MOB3B: variants seen among roughly 807,000 people sequenced by gnomAD.
MOB3B encodes the protein MOB kinase activator-like 2B.
A neutral mutation model predicts 18.7 loss-of-function variants in MOB3B; 7 were observed. The ratio of observed to expected loss-of-function variants is 0.37; its 90% CI spans 0.21 to 0.70. MOB3B has a LOEUF of 0.70. Ranked by LOEUF, MOB3B falls within the 30% of genes least tolerant of loss-of-function variation. The pLI, the probability that MOB3B is intolerant of heterozygous loss-of-function variation, is 0.52. For synonymous variants in MOB3B, 111 were observed against 99.9 expected, an observed-to-expected ratio of 1.11 and a Z score of -0.66; for missense variants, 253 against 281.3, an observed-to-expected ratio of 0.90 and a Z score of 0.72.
chr9:27,407,766 G>A (rs533857005), intron 2 of MOB3B, among the ~76,000 whole-genome samples: 1 of 152,142 alleles, frequency 6.6e-6, no homozygotes, highest in Non-Finnish European at 1.5e-5. Flanking sequence ...TGGGAAGGTG[G>A]AGAGAGGCTT....
At chr9:27,459,031 A>G (rs759282316) in intron 1 of MOB3B, among the ~76,000 whole-genome samples, 2 of 148,870 alleles carry the variant, frequency 1.3e-5, no homozygotes, top group Non-Finnish European at 3.0e-5. Context: ...ATGTTTAAAG[A>G]CAATGGCAAT....
At chr9:27,481,999 G>C (rs1819667297) in intron 1 of MOB3B, among the ~76,000 whole-genome samples, 1 of 152,040 alleles carries the variant, frequency 6.6e-6, no homozygotes, top group South Asian at 2.1e-4. Flanking sequence ...AAATGCTATT[G>C]ATCCAGTGGA....
chr9:27,529,773 C>G lies in MOB3B; in HGVS notation c.-417G>C. On this transcript the variant is annotated 5_prime_UTR_variant, in exon 1 of 4. Transcript: ENST00000262244. ...GCCGCCGTCGCTCCGGAGCAGCCCC[C>G]TCATGCACCCAGCGCGCCGCGCAGC... 1.0e-6 allele frequency: 1 copy of G among 985,454 alleles called. No homozygotes were observed. Among genetic ancestry groups the G allele is most frequent in the Non-Finnish European group, 1.2e-6 (1 of 829,958 alleles). 61.0% of individuals were successfully genotyped at this position (985,454 alleles called of 1,614,324 possible).
intron 2 of MOB3B, among the ~76,000 whole-genome samples, chr9:27,417,208 C>CA (rs1407841969): frequency 1.3e-5 from 2 of 151,942 alleles, no homozygotes; most frequent in Admixed American, 6.6e-5. Context: ...CTAAAAAATA[C>CA]AAAAAATTAG....
chr9:27,422,601 A>T (rs1432889987), intron 2 of MOB3B, among the ~76,000 whole-genome samples: 3 of 152,236 alleles, frequency 2.0e-5, no homozygotes, highest in African/African-American at 7.2e-5. Flanking sequence ...GTTGCCAACA[A>T]TTTGAGGGGA....
At chr9:27,412,841 C>A (rs1005548433) in intron 2 of MOB3B, among the ~76,000 whole-genome samples, 1 of 152,192 alleles carries the variant, frequency 6.6e-6, no homozygotes, top group South Asian at 2.1e-4. Context: ...GAGTTACACT[C>A]TGATGGTTTA....
At position 27,422,264 on chromosome 9, in the gene MOB3B, A is replaced by G. The variant is rs547424543; in HGVS notation, c.418+32869T>C. On this transcript the variant is annotated intron_variant, in intron 2 of 3. Transcript: ENST00000262244. ...ATTTACATTTCAGCTTTCATTTCCC[A>G]CTATTTCCTCAGTTCATTCATTTAA... is the stretch of plus-strand genomic sequence containing the variant. Among the ~76,000 whole-genome samples, 284 of 152,334 alleles carry G rather than the reference A, an allele frequency of 1.9e-3. 1 individual carries two copies. Among genetic ancestry groups the G allele is most frequent in the African/African-American group, 6.5e-3 (272 of 41,570 alleles).
intron 2 of MOB3B, among the ~76,000 whole-genome samples, chr9:27,371,420 C>T (rs1315179889): frequency 6.6e-6 from 1 of 152,124 alleles, no homozygotes; most frequent in Non-Finnish European, 1.5e-5. Flanking sequence ...CTTTTTCCAC[C>T]TGACATAGAG....
intron 1 of MOB3B, among the ~76,000 whole-genome samples, chr9:27,502,996 T>C (rs1820010922): frequency 6.6e-6 from 1 of 152,220 alleles, no homozygotes; most frequent in African/African-American, 2.4e-5. Context: ...ACCCTTTTTC[T>C]TGGGGGAAAG....
chr9:27,459,907 G>C (rs1178956479), intron 1 of MOB3B, among the ~76,000 whole-genome samples: 1 of 139,716 alleles, frequency 7.2e-6, no homozygotes, highest in East Asian at 2.2e-4. Context: ...AAGTCATAAA[G>C]TTTTCCTTCT....
intron 2 of MOB3B, among the ~76,000 whole-genome samples, chr9:27,453,827 T>C (rs1344413978): frequency 6.6e-6 from 1 of 152,180 alleles, no homozygotes; most frequent in Admixed American, 6.5e-5. Flanking sequence ...GCTCCAAAAG[T>C]AGCCTATGAC....
Position 27,455,431 on chromosome 9 carries a change from C to G in MOB3B, c.120G>C (p.Ser40=), listed in dbSNP as rs751511404. The G allele has an allele frequency of 1.2e-6, 2 of 1,614,200 alleles. No individual in the cohort carries two copies. The highest frequency in any genetic ancestry group is 1.1e-5 in the South Asian group (1 of 91,086). ...LHKRAQASLN[S]GVDLKAAVQL... is the part of the protein sequence containing the mutation. ...GCACAGCCGCCTTCAGGTCCACACC[C>G]GAGTTGAGGGATGCCTGAGCCCGTT... is the stretch of plus-strand genomic sequence containing the variant. The change falls in exon 2 of 4, where the codon TCG becomes TCC. Residue 40 remains serine, a synonymous_variant. Coordinates refer to ENST00000262244, the MANE Select transcript of MOB3B (RefSeq NM_024761.5).
intron 1 of MOB3B, among the ~76,000 whole-genome samples, chr9:27,490,082 C>T (rs370616289): frequency 1.3e-5 from 2 of 152,124 alleles, no homozygotes; most frequent in East Asian, 3.9e-4. Context: ...CTGCATTGCA[C>T]ACACAAAGCA....
intron 1 of MOB3B, among the ~76,000 whole-genome samples, chr9:27,481,307 C>T (rs919465285): frequency 6.6e-6 from 1 of 152,088 alleles, no homozygotes; most frequent in Non-Finnish European, 1.5e-5. Context: ...CTAAATGCTC[C>T]AGCTAAAAGA....
intron 1 of MOB3B, among the ~76,000 whole-genome samples, chr9:27,516,711 C>T (rs1041793733): frequency 5.9e-5 from 9 of 152,218 alleles, no homozygotes; most frequent in Admixed American, 3.9e-4. Flanking sequence ...ATAGCATATT[C>T]TTAGGGTTCT....
chr9:27,521,563 G>C (rs1820331885), intron 1 of MOB3B, among the ~76,000 whole-genome samples: 1 of 152,172 alleles, frequency 6.6e-6, no homozygotes, highest in South Asian at 2.1e-4. Context: ...GGAGGCCAAG[G>C]CATCGTAAAA....
At chr9:27,529,134 C>G (rs554967647) in intron 1 of MOB3B, among the ~76,000 whole-genome samples, 1 of 152,188 alleles carries the variant, frequency 6.6e-6, no homozygotes, top group Non-Finnish European at 1.5e-5. Flanking sequence ...CCAGCCCAGG[C>G]GCACTTTTGT....
chr9:27,456,536 T>G (rs1157186408), intron 1 of MOB3B, among the ~76,000 whole-genome samples: 1 of 152,244 alleles, frequency 6.6e-6, no homozygotes, highest in African/African-American at 2.4e-5. Context: ...CTATGCTTCA[T>G]GCCTTTTGGG....
intron 1 of MOB3B, among the ~76,000 whole-genome samples, chr9:27,476,391 G>A (rs936028474): frequency 6.6e-6 from 1 of 152,012 alleles, no homozygotes; most frequent in Non-Finnish European, 1.5e-5. Context: ...GTGTTCCTTG[G>A]CTTGTAGACT....
Sources: allele counts gnomAD v4.1 joint callset (sites outside exome capture counted in the v4.1 genomes callset), GRCh38; gene constraint gnomAD v4.1.1; transcripts MANE v1.5; gene names NCBI Gene and HGNC (gene_info 2026-07-23, HGNC 2026-07-21).